The following MYO7A variants were observed in gnomAD, a reference collection of about 807,000 sequenced individuals.
MYO7A encodes unconventional myosin-VIIa.
Under a neutral mutation model 263.8 loss-of-function variants are expected in MYO7A, and 210 were observed. The ratio of observed to expected loss-of-function variants is 0.80; its 90% CI spans 0.71 to 0.89. The LOEUF is 0.89. Ranked by LOEUF, MYO7A falls within the 40% of genes least tolerant of loss-of-function variation. The probability of loss-of-function intolerance (pLI) is 0.00; values close to 1 mark genes in which losing one functional copy is unlikely to be tolerated. For missense variants in MYO7A, 2,820 were observed against 2,968.3 expected, an observed-to-expected ratio of 0.95 and a Z score of 1.16; for synonymous variants, 1,239 against 1,197.3, an observed-to-expected ratio of 1.03 and a Z score of -0.72.
At chr11:77,191,022 CAG>C (rs1956028541) in intron 30 of MYO7A, 152 bp downstream of exon 30, 1 of 897,340 alleles carries the variant, frequency 1.1e-6, no homozygotes, top group African/African-American at 1.7e-5. Flanking sequence ...CCTGACTCCT[CAG>C]GACTGCCGAG....
At chr11:77,162,427 A>G in intron 13 of MYO7A, 97 bp downstream of exon 13, 2 of 1,176,910 alleles carry the variant, frequency 1.7e-6, no homozygotes, top group South Asian at 2.7e-5. Context: ...AAATAGGACT[A>G]ATGATACCCA....
At chr11:77,203,254 G>A in intron 38 of MYO7A, 37 bp downstream of exon 38, 1 of 1,540,382 alleles carries the variant, frequency 6.5e-7, no homozygotes. Context: ...GGGGAGCCAG[G>A]GACCGGGCAG....
At chr11:77,202,021 C>T (rs566044022) in intron 36 of MYO7A, among the ~76,000 whole-genome samples, 6 of 152,266 alleles carry the variant, frequency 3.9e-5, no homozygotes, top group Non-Finnish European at 7.4e-5. Context: ...GCTCAGTGGA[C>T]GAGGCAGCTC....
chr11:77,144,688 C>T (rs568882056), intron 3 of MYO7A, among the ~76,000 whole-genome samples: 1 of 152,112 alleles, frequency 6.6e-6, no homozygotes, highest in Non-Finnish European at 1.5e-5. Flanking sequence ...GAGCAGGGAA[C>T]AGGCCAGTCC....
chr11:77,174,980 A>G (rs554250284), intron 17 of MYO7A, 66 bp downstream of exon 17: 16 of 1,583,020 alleles, frequency 1.0e-5, no homozygotes, highest in Non-Finnish European at 1.3e-5. Context: ...AAGGGTCCCA[A>G]TTTTCTTATC....
At chr11:77,190,669 C>A (rs1428456240) in intron 29 of MYO7A, 28 bp from the exon 30 acceptor site, 28 of 1,566,858 alleles carry the variant, frequency 1.8e-5, no homozygotes, top group Non-Finnish European at 2.4e-5. Context: ...GGGAAGGGAC[C>A]CCACAAACCC....
rs55880704 is a variant in MYO7A at position 77,156,187 on chromosome 11, C to T, written c.470+96C>T. On this transcript the variant is annotated intron_variant, in intron 5 of 48. Coordinates refer to ENST00000409709, the MANE Select transcript of MYO7A (RefSeq NM_000260.4). ...TACCTCTAGGAATTGCCCCCGCTGT[C>T]GGAAATGCCATCAAGCTCTTCAGGA... is the stretch of plus-strand genomic sequence containing the variant. 34,446 of 1,367,448 alleles carry T rather than the reference C, an allele frequency of 0.025. 571 individuals are homozygous for T. Among genetic ancestry groups the T allele is most frequent in the African/African-American group, 0.069 (4,780 of 69,542 alleles). 84.7% of individuals were successfully genotyped at this position (1,367,448 alleles called of 1,614,324 possible).
rs748080151 is a variant in MYO7A, at chr11:77,205,475, C to A, written c.5494C>A (p.Arg1832=). 1.1e-4 allele frequency: 173 copies of A among 1,575,958 alleles called. No homozygotes were observed. In the Middle Eastern group the frequency reaches 1.2e-3, roughly 11 times the overall value. The change falls in exon 40 of 49, where the codon CGG becomes AGG. Residue 1832 remains arginine (R), a synonymous_variant. Coordinates refer to ENST00000409709, the MANE Select transcript of MYO7A (RefSeq NM_000260.4). ...CTCCTCCTGCAGGTACAGCGAGGAG[C>A]GGGGTTGGGAGCTGCTCTGGCTGTG... ...TDNHIRYSEE[R]GWELLWLCTG... is the part of the protein sequence containing the mutation.
chr11:77,190,577 G>T (rs1955984008), intron 29 of MYO7A, 120 bp from the exon 30 acceptor site: 2 of 1,157,792 alleles, frequency 1.7e-6, no homozygotes, highest in Non-Finnish European at 2.4e-6. Context: ...TCCCAGTGAG[G>T]TACTGGGGCC....
Position 77,194,449 on chromosome 11 carries a change from C to A in MYO7A, c.4248C>A (p.Tyr1416Ter), listed in dbSNP as rs760292207. 23 of 1,611,128 alleles carry A rather than the reference C, an allele frequency of 1.4e-5. No individual in the cohort carries two copies. The highest frequency in any genetic ancestry group is 1.2e-4 in the South Asian group (11 of 90,192). ...GCCTCCTGAACCTCGTGCCCACCTA[C>A]ATCCCCGACCGCGAGATCACGCCCC... ...LERLLNLVPT[Y>*]IPDREITPLK... The change falls in exon 32 of 49, where the codon TAC (tyrosine) becomes TAA (stop). Residue 1416 changes from tyrosine to a stop codon, truncating the protein, a stop_gained. Transcript: ENST00000409709. LOFTEE classifies it high-confidence loss of function.
intron 41 of MYO7A, among the ~76,000 whole-genome samples, 167 bp downstream of exon 41, chr11:77,206,369 AG>A (rs574803667): frequency 5.5e-4 from 84 of 152,138 alleles, no homozygotes; most frequent in Non-Finnish European, 1.1e-3. Flanking sequence ...TCGACTCCCC[AG>A]GTCAGGGGCC....
At chr11:77,196,445 A>G (rs541865459) in intron 32 of MYO7A, among the ~76,000 whole-genome samples, 2 of 152,200 alleles carry the variant, frequency 1.3e-5, no homozygotes, top group African/African-American at 4.8e-5. Context: ...ATACGCAAAT[A>G]TGGTAGGTTG....
intron 15 of MYO7A, among the ~76,000 whole-genome samples, chr11:77,167,268 A>G (rs1555073193): frequency 1.3e-5 from 2 of 152,158 alleles, no homozygotes; most frequent in African/African-American, 2.4e-5. Flanking sequence ...AACCGGGGAC[A>G]GAGTGGGGAC....
At chr11:77,203,623 C>T (rs955819890) in intron 38 of MYO7A, among the ~76,000 whole-genome samples, 9 of 152,084 alleles carry the variant, frequency 5.9e-5, no homozygotes, top group East Asian at 3.9e-4. Context: ...AGGCTAAGTA[C>T]GACTTAGCCA....
rs1555072205 is a variant in MYO7A at position 77,165,930 on chromosome 11, G to GC, written c.1691-121dup. ...GTCTCTGTCCCCTCCAGGCCTCAGGGCCCCCGTCATGAAATGGATGTGGTG... is the reference window on the plus strand; with the variant it reads ...GTCTCTGTCCCCTCCAGGCCTCAGGGCCCCCCGTCATGAAATGGATGTGGTG... On this transcript the variant is annotated intron_variant, in intron 14 of 48. Transcript: ENST00000409709. 177 of 672,856 alleles carry GC rather than the reference G, an allele frequency of 2.6e-4. No individual in the cohort carries two copies. In the African/African-American group the frequency reaches 2.7e-3, roughly 10 times the overall value. 41.7% of individuals were successfully genotyped at this position (672,856 alleles called of 1,614,324 possible).
Position 77,142,835 on chromosome 11 carries a change from C to A in MYO7A, c.132+13C>A. ...TGATGAAGACAATGTGAGTAGTCCC[C>A]TCCCTCCTCCTGCCCCATGCCTTGG... On this transcript the variant is annotated intron_variant, in intron 3 of 48. Coordinates refer to ENST00000409709, the MANE Select transcript of MYO7A (RefSeq NM_000260.4). 2 of 1,574,772 alleles carry A rather than the reference C, an allele frequency of 1.3e-6. No individual in the cohort carries two copies.
Position 77,205,688 on chromosome 11 carries a change from GC to G in MYO7A, c.5636+75del, listed in dbSNP as rs1957404277. 4 of 1,589,258 alleles carry G rather than the reference GC, an allele frequency of 2.5e-6. No homozygotes were observed. The Admixed American group carries it at 6.8e-5, about 27-fold the overall frequency. On this transcript the variant is annotated intron_variant, in intron 40 of 48. Coordinates refer to ENST00000409709, the MANE Select transcript of MYO7A (RefSeq NM_000260.4). Reference sequence around the variant, plus strand: ...TGGCCACGCGGGGCTTGTGGGATGAGCCCCTTGGGGATGAGGACCACATAGC... The same window carrying G: ...TGGCCACGCGGGGCTTGTGGGATGAGCCCTTGGGGATGAGGACCACATAGC...
At chr11:77,184,545 A>T (rs782766420) in intron 26 of MYO7A, 43 bp from the exon 27 acceptor site, 1 of 1,516,686 alleles carries the variant, frequency 6.6e-7, no homozygotes, top group South Asian at 1.2e-5. Flanking sequence ...TGGCAGGGGA[A>T]CACCCCTAAC....
chr11:77,162,772 A>G, intron 13 of MYO7A, 81 bp from the exon 14 acceptor site: 1 of 1,538,456 alleles, frequency 6.5e-7, no homozygotes, highest in East Asian at 2.3e-5. Context: ...AAGAAGAGAC[A>G]GGGGGCAAAG....
Sources: gnomAD v4.1 joint callset for allele counts (sites outside exome capture counted in the v4.1 genomes callset) on GRCh38, gnomAD v4.1.1 for gene constraint, MANE v1.5 for transcripts, NCBI Gene and HGNC (gene_info 2026-07-23, HGNC 2026-07-21) for gene names.